LRMDA: variants seen among roughly 807,000 people sequenced by gnomAD.
The protein encoded by LRMDA is leucine rich melanocyte differentiation associated, also known as leucine-rich melanocyte differentiation-associated protein.
A neutral mutation model predicts 29.8 loss-of-function variants in LRMDA; 18 were observed. That is an observed-to-expected ratio of 0.60 (90% CI 0.42 to 0.90). The LOEUF is 0.90. Among genes scored for constraint, LRMDA ranks in the 40% least tolerant of loss-of-function variants. LRMDA has a pLI of 0.00. For synonymous variants in LRMDA, 125 were observed against 109.4 expected, an observed-to-expected ratio of 1.14 and a Z score of -0.89; for missense variants, 273 against 273.9, an observed-to-expected ratio of 1.00 and a Z score of 0.02.
At chr10:76,011,230 G>A (rs968067483) in intron 2 of LRMDA, among the ~76,000 whole-genome samples, 1 of 152,164 alleles carries the variant, frequency 6.6e-6, no homozygotes, top group African/African-American at 2.4e-5. Flanking sequence ...TAATTTCTAA[G>A]CCCAGGGGTT....
intron 2 of LRMDA, among the ~76,000 whole-genome samples, chr10:75,697,028 T>G (rs1415904327): frequency 6.6e-6 from 1 of 152,190 alleles, no homozygotes; most frequent in Admixed American, 6.5e-5. Context: ...TTATTTCCAG[T>G]ACTAGAATCT....
chr10:76,110,894 C>T (rs1849567004), intron 5 of LRMDA, among the ~76,000 whole-genome samples: 1 of 152,180 alleles, frequency 6.6e-6, no homozygotes, highest in Non-Finnish European at 1.5e-5. Flanking sequence ...GCCTGCACCA[C>T]CATGCTTCAC....
intron 2 of LRMDA, among the ~76,000 whole-genome samples, chr10:75,997,685 C>T (rs983075049): frequency 6.6e-6 from 1 of 152,122 alleles, no homozygotes; most frequent in African/African-American, 2.4e-5. Context: ...CCAGGTGGCC[C>T]CATGGAGGCA....
intron 2 of LRMDA, among the ~76,000 whole-genome samples, chr10:75,602,700 A>T (rs932125181): frequency 6.6e-6 from 1 of 152,226 alleles, no homozygotes; most frequent in Non-Finnish European, 1.5e-5. Context: ...TTTGATAGAC[A>T]TAGATGCACA....
chr10:75,916,981 G>A (rs558028362), intron 2 of LRMDA, among the ~76,000 whole-genome samples: 18 of 152,194 alleles, frequency 1.2e-4, no homozygotes, highest in African/African-American at 4.1e-4. Context: ...ACTTTTTGTC[G>A]GGGGCTTGTT....
intron 2 of LRMDA, among the ~76,000 whole-genome samples, chr10:76,028,837 G>C (rs77628693): frequency 7.5e-5 from 3 of 39,938 alleles, no homozygotes; most frequent in Non-Finnish European, 1.5e-4. Context: ...TTTTTTTTTT[G>C]AGCCGAGTCT....
chr10:76,520,008 A>AT (rs1384151974), intron 6 of LRMDA, among the ~76,000 whole-genome samples: 3 of 151,898 alleles, frequency 2.0e-5, no homozygotes, highest in Admixed American at 6.6e-5. Flanking sequence ...ATTTTCTTGT[A>AT]TTTTTTCTTC....
intron 2 of LRMDA, among the ~76,000 whole-genome samples, chr10:76,014,285 G>T (rs930336295): frequency 7.3e-5 from 11 of 151,016 alleles, no homozygotes; most frequent in African/African-American, 1.2e-4. Context: ...TTACTATCTG[G>T]CTATTTACAT....
At chr10:75,495,107 C>A (rs377287676) in intron 2 of LRMDA, among the ~76,000 whole-genome samples, 1 of 152,184 alleles carries the variant, frequency 6.6e-6, no homozygotes, top group African/African-American at 2.4e-5. Flanking sequence ...ACCTGGGTGG[C>A]AATGTGCCCT....
intron 5 of LRMDA, among the ~76,000 whole-genome samples, chr10:76,102,501 G>C (rs1445999714): frequency 2.0e-5 from 3 of 152,036 alleles, no homozygotes; most frequent in Non-Finnish European, 4.4e-5. Context: ...CTTTCTGTTC[G>C]TGCATTAGTT....
At chr10:76,098,089 A>G (rs1369791006) in intron 5 of LRMDA, among the ~76,000 whole-genome samples, 1 of 152,088 alleles carries the variant, frequency 6.6e-6, no homozygotes, top group Non-Finnish European at 1.5e-5. Flanking sequence ...TATTTTCTTC[A>G]TCTATGTTTG....
intron 2 of LRMDA, among the ~76,000 whole-genome samples, chr10:75,629,783 GTTAA>G (rs1455771874): frequency 2.0e-5 from 3 of 152,268 alleles, no homozygotes; most frequent in Admixed American, 6.5e-5. Context: ...TCAGAAAACT[GTTAA>G]TTAATAATGG....
chr10:75,869,087 G>T (rs1044602417), intron 2 of LRMDA, among the ~76,000 whole-genome samples: 3 of 152,186 alleles, frequency 2.0e-5, no homozygotes, highest in Non-Finnish European at 4.4e-5. Context: ...AGGGATGGGG[G>T]TCTAGAGAAC....
At chr10:76,214,710 C>T (rs188885709) in intron 5 of LRMDA, among the ~76,000 whole-genome samples, 2 of 152,268 alleles carry the variant, frequency 1.3e-5, no homozygotes, top group East Asian at 3.9e-4. Flanking sequence ...TTTCTGAAGA[C>T]TTATTGACTA....
intron 2 of LRMDA, among the ~76,000 whole-genome samples, chr10:75,816,009 A>G (rs1188020459): frequency 6.6e-6 from 1 of 152,198 alleles, no homozygotes; most frequent in African/African-American, 2.4e-5. Flanking sequence ...TAAATAATAA[A>G]TGGTGAATGA....
At chr10:76,240,685 A>G (rs1852256742) in intron 5 of LRMDA, among the ~76,000 whole-genome samples, 1 of 151,122 alleles carries the variant, frequency 6.6e-6, no homozygotes, top group South Asian at 2.1e-4. Flanking sequence ...ATGCATGTTT[A>G]TGGCAGCATA....
In LRMDA at chr10:76,127,020, G is replaced by A. The variant is rs111654647; in HGVS notation, c.516+68237G>A. On this transcript the variant is annotated intron_variant, in intron 5 of 6. Transcript: ENST00000611255. Reference sequence around the variant, plus strand: ...ACTTTTCAGGCTACTTGCTCATAAAGCCAACCATGTGGATACAAAATTGCT... The same window carrying A: ...ACTTTTCAGGCTACTTGCTCATAAAACCAACCATGTGGATACAAAATTGCT... 2.6e-5 allele frequency among the ~76,000 whole-genome samples: 4 copies of A among 152,270 alleles called. 1 individual carries two copies. The highest frequency in any genetic ancestry group is 9.6e-5 in the African/African-American group (4 of 41,552).
At chr10:75,742,162 C>G (rs1344434174) in intron 2 of LRMDA, among the ~76,000 whole-genome samples, 1 of 152,212 alleles carries the variant, frequency 6.6e-6, no homozygotes, top group Non-Finnish European at 1.5e-5. Flanking sequence ...AAGTAAAAAT[C>G]TCTGTAAGAT....
intron 2 of LRMDA, among the ~76,000 whole-genome samples, chr10:75,554,818 T>C (rs1356004398): frequency 6.6e-6 from 1 of 152,214 alleles, no homozygotes; most frequent in African/African-American, 2.4e-5. Flanking sequence ...ATGAGGATGA[T>C]AATACTTTCG....
Sources: gnomAD v4.1 joint callset for allele counts (sites outside exome capture counted in the v4.1 genomes callset) on GRCh38, gnomAD v4.1.1 for gene constraint, MANE v1.5 for transcripts, NCBI Gene and HGNC (gene_info 2026-07-23, HGNC 2026-07-21) for gene names.